The following MYO16 variants were observed in gnomAD, a reference collection of about 807,000 sequenced individuals.
MYO16 encodes unconventional myosin-XVI.
Under a neutral mutation model 205.3 loss-of-function variants are expected in MYO16, and 94 were observed. The observed-to-expected ratio is 0.46, with a 90% confidence interval of 0.39 to 0.54. The LOEUF is 0.54. MYO16 is among the 20% of genes least tolerant of loss of function. The pLI, the probability that MYO16 is intolerant of heterozygous loss-of-function variation, is 0.00. For synonymous variants in MYO16, 988 were observed against 954.0 expected, an observed-to-expected ratio of 1.04 and a Z score of -0.66; for missense variants, 2,315 against 2,387.5, an observed-to-expected ratio of 0.97 and a Z score of 0.63.
intron 27 of MYO16, among the ~76,000 whole-genome samples, chr13:109,081,923 C>T (rs552212554): frequency 6.6e-6 from 1 of 152,208 alleles, no homozygotes; most frequent in South Asian, 2.1e-4. Context: ...CGGGCCAAAT[C>T]CACTCAGCAG....
intron 34 of MYO16, among the ~76,000 whole-genome samples, chr13:109,195,156 A>G (rs1405684229): frequency 6.6e-6 from 1 of 152,082 alleles, no homozygotes; most frequent in African/African-American, 2.4e-5. Flanking sequence ...GCATCCAGAT[A>G]AGGTAAAAAA....
At chr13:108,553,588 A>AT in the MYO16 span, among the ~76,000 whole-genome samples, 1 of 152,178 alleles carries the variant, frequency 6.6e-6, no homozygotes, top group Non-Finnish European at 1.5e-5. Context: ...TTGAGTGGAA[A>AT]TTTTAGTAGA....
In MYO16 at chr13:108,675,825, A is replaced by T. The variant is rs16972901; in HGVS notation, c.292+9676A>T. 9.8e-3 allele frequency among the ~76,000 whole-genome samples: 1,489 copies of T among 152,288 alleles called. 20 individuals carry two copies. Among genetic ancestry groups the T allele is most frequent in the African/African-American group, 0.034 (1,416 of 41,552 alleles). ...GCATTACTTAGGTTTAGCATCAAGGATCTAACTCTGGAGTTCAGTCTGGGG... is the reference window on the plus strand; with the variant it reads ...GCATTACTTAGGTTTAGCATCAAGGTTCTAACTCTGGAGTTCAGTCTGGGG... On this transcript the variant is annotated intron_variant, in intron 2 of 34. Coordinates refer to ENST00000457511, the MANE Select transcript of MYO16 (RefSeq NM_001198950.3).
At chr13:109,001,349 G>A (rs928661656) in intron 21 of MYO16, among the ~76,000 whole-genome samples, 4 of 152,072 alleles carry the variant, frequency 2.6e-5, no homozygotes, top group African/African-American at 9.7e-5. Context: ...CCAATGTGGG[G>A]CTCTGGTAAG....
chr13:108,586,807 A>C, the MYO16 span, among the ~76,000 whole-genome samples: 1 of 152,214 alleles, frequency 6.6e-6, no homozygotes, highest in Non-Finnish European at 1.5e-5. Context: ...TTAACCCCTC[A>C]GTCTGGAGTT....
At chr13:108,596,792 T>G (rs578237903) in intron 1 of MYO16, among the ~76,000 whole-genome samples, 23 of 152,314 alleles carry the variant, frequency 1.5e-4, no homozygotes, top group African/African-American at 4.6e-4. Context: ...AAACAGTGTA[T>G]CTAGGTTGTC....
intron 12 of MYO16, among the ~76,000 whole-genome samples, chr13:108,878,471 T>C (rs1488027214): frequency 2.0e-5 from 3 of 152,156 alleles, no homozygotes; most frequent in Non-Finnish European, 4.4e-5. Context: ...TCCATCCCAC[T>C]GAGAGCCACC....
At chr13:109,129,052 A>G (rs1876406752) in intron 31 of MYO16, among the ~76,000 whole-genome samples, 2 of 149,380 alleles carry the variant, frequency 1.3e-5, no homozygotes, top group Admixed American at 1.3e-4. Context: ...GATTACAGGC[A>G]TGAGCCACTG....
intron 28 of MYO16, among the ~76,000 whole-genome samples, chr13:109,116,822 A>C (rs576013829): frequency 6.6e-6 from 1 of 152,124 alleles, no homozygotes; most frequent in African/African-American, 2.4e-5. Flanking sequence ...GGGAAGGAGC[A>C]GGGTTGGCAA....
the MYO16 span, among the ~76,000 whole-genome samples, chr13:108,584,696 C>G: frequency 2.0e-5 from 3 of 152,082 alleles, no homozygotes; most frequent in African/African-American, 7.2e-5. Context: ...TTTTTTAGCT[C>G]CCACATATGA....
chr13:109,104,526 A>T (rs549251393), intron 28 of MYO16, among the ~76,000 whole-genome samples: 1 of 152,236 alleles, frequency 6.6e-6, no homozygotes, highest in South Asian at 2.1e-4. Context: ...GAGAAGGAAA[A>T]GGAGGAGTAA....
At chr13:108,820,165 T>C in intron 7 of MYO16, among the ~76,000 whole-genome samples, 172 bp from the exon 8 acceptor site, 1 of 152,172 alleles carries the variant, frequency 6.6e-6, no homozygotes, top group African/African-American at 2.4e-5. Context: ...ATAATTTGAG[T>C]ATCTGACATT....
At chr13:108,865,448 A>G (rs1878663447) in intron 11 of MYO16, among the ~76,000 whole-genome samples, 1 of 152,002 alleles carries the variant, frequency 6.6e-6, no homozygotes, top group African/African-American at 2.4e-5. Context: ...TTTTCTATAA[A>G]TTAATTATTT....
chr13:108,551,006 T>G, the MYO16 span, among the ~76,000 whole-genome samples: 1 of 152,178 alleles, frequency 6.6e-6, no homozygotes, highest in Non-Finnish European at 1.5e-5. Flanking sequence ...TTATAGAAAC[T>G]TCTTCCTTTG....
At chr13:109,058,519 A>G (rs764621149) in intron 27 of MYO16, among the ~76,000 whole-genome samples, 34 of 152,330 alleles carry the variant, frequency 2.2e-4, no homozygotes, top group Non-Finnish European at 4.0e-4. Flanking sequence ...ACTATCCTAT[A>G]ATCTGTTCTG....
At chr13:108,562,058 T>C in the MYO16 span, among the ~76,000 whole-genome samples, 6,683 of 152,282 alleles carry the variant, frequency 0.044, 442 homozygotes, top group African/African-American at 0.15. Context: ...AACAATGTAT[T>C]GTAGATTTTG....
At chr13:108,529,042 A>G in the MYO16 span, among the ~76,000 whole-genome samples, 1 of 152,038 alleles carries the variant, frequency 6.6e-6, no homozygotes, top group Non-Finnish European at 1.5e-5. Flanking sequence ...CTTTCAGAAC[A>G]TAACCTAAAT....
intron 5 of MYO16, among the ~76,000 whole-genome samples, chr13:108,787,227 G>A (rs1886485631): frequency 6.6e-6 from 1 of 152,154 alleles, no homozygotes; most frequent in Non-Finnish European, 1.5e-5. Context: ...ATATAATGTG[G>A]TGATGGTTTC....
chr13:108,637,646 G>A (rs911563741), intron 1 of MYO16, among the ~76,000 whole-genome samples: 4 of 152,064 alleles, frequency 2.6e-5, no homozygotes, highest in Non-Finnish European at 4.4e-5. Flanking sequence ...AGGCCAAGGC[G>A]GGCAGATCAC....
Sources: gnomAD v4.1 joint callset for allele counts (sites outside exome capture counted in the v4.1 genomes callset) on GRCh38, gnomAD v4.1.1 for gene constraint, MANE v1.5 for transcripts, NCBI Gene and HGNC (gene_info 2026-07-23, HGNC 2026-07-21) for gene names.